Variants in IL2RB observed in about 807,000 individuals in gnomAD.
IL2RB encodes interleukin 2 receptor subunit beta.
Under a neutral mutation model 44.2 loss-of-function variants are expected in IL2RB, and 17 were observed. The observed-to-expected ratio is 0.38, with a 90% confidence interval of 0.26 to 0.58. The LOEUF (loss-of-function observed/expected upper bound fraction) is 0.58, where lower values mean the gene tolerates loss of function less well. Among genes scored for constraint, IL2RB ranks in the 20% least tolerant of loss-of-function variants. IL2RB has a pLI of 0.63. For synonymous variants in IL2RB, 286 were observed against 297.9 expected (o/e 0.96, Z 0.41); for missense variants, 624 against 685.5 (o/e 0.91, Z 1.00).
intron 1 of IL2RB, among the ~76,000 whole-genome samples, chr22:37,158,682 G>A (rs1170773213): frequency 6.6e-6 from 1 of 152,236 alleles, no homozygotes; most frequent in Non-Finnish European, 1.5e-5. Context: ...TAAACATAAA[G>A]GCGGTAAGCC....
At chr22:37,135,066 G>A (rs370604504) in intron 8 of IL2RB, among the ~76,000 whole-genome samples, 1 of 152,176 alleles carries the variant, frequency 6.6e-6, no homozygotes, top group East Asian at 1.9e-4. Context: ...CCTCGGGTTG[G>A]TTCCACAGGG....
upstream of IL2RB, among the ~76,000 whole-genome samples, chr22:37,152,345 A>G (rs190819759): frequency 6.6e-6 from 1 of 152,062 alleles, no homozygotes; most frequent in East Asian, 1.9e-4. Flanking sequence ...AAATGGAGTT[A>G]TTTTCTTGAT....
chr22:37,163,108 G>A (rs985785393), intron 1 of IL2RB, among the ~76,000 whole-genome samples: 5 of 152,140 alleles, frequency 3.3e-5, no homozygotes, highest in Non-Finnish European at 5.9e-5. Flanking sequence ...GCTACAGACC[G>A]CAGGAACAGG....
chr22:37,128,278 C>G lies in IL2RB; in HGVS notation c.1474G>C (p.Val492Leu). ...ACCTCCTCCCCAGCCTCTCGCAGCA[C>G]CAGCTCAGGGGGTGGCTGAAAATCC... ...LVDFQPPPEL[V>L]LREAGEEVPD... Residue 492 changes from valine (V) to leucine (L), a missense_variant, in exon 10 of 10, where the codon GTG (valine) becomes CTG (leucine). Coordinates refer to ENST00000216223, the MANE Select transcript of IL2RB (RefSeq NM_000878.5). This position sits in a 1 kb window ranked among gnomAD's most constrained non-coding sequence, Gnocchi z 4.5. The G allele has an allele frequency of 6.7e-7, 1 of 1,499,472 alleles. No individual in the cohort carries two copies. 92.9% of individuals were successfully genotyped at this position (1,499,472 alleles called of 1,614,324 possible).
intron 4 of IL2RB, among the ~76,000 whole-genome samples, chr22:37,140,922 T>TA (rs1921936149): frequency 6.6e-6 from 1 of 152,118 alleles, no homozygotes; most frequent in South Asian, 2.1e-4. Flanking sequence ...TCTTCATTGG[T>TA]AAGAAGGGGA....
At chr22:37,136,995 C>T (rs574165314) in intron 6 of IL2RB, among the ~76,000 whole-genome samples, 2 of 152,268 alleles carry the variant, frequency 1.3e-5, no homozygotes, top group East Asian at 1.9e-4. Flanking sequence ...TTCCTTGCCC[C>T]GTTGGGTTTT....
In IL2RB at chr22:37,138,780, G is replaced by C. The variant is rs1230833530; in HGVS notation, c.388+337C>G. ...CGAAACGTGAGTGGGAATTTTCCAG[G>C]TGTAAAGGGCCTTCCAGGCAGTGGG... On this transcript the variant is annotated intron_variant, in intron 5 of 9. Coordinates refer to ENST00000216223, the MANE Select transcript of IL2RB (RefSeq NM_000878.5). Among the ~76,000 whole-genome samples, 4 of 152,206 alleles carry C rather than the reference G, an allele frequency of 2.6e-5. No homozygotes were observed. The East Asian group carries it at 7.7e-4, about 29-fold the overall frequency.
At chr22:37,169,314 A>AGATGGATT in intron 1 of IL2RB, among the ~76,000 whole-genome samples, 6 of 141,450 alleles carry the variant, frequency 4.2e-5, no homozygotes, top group African/African-American at 1.4e-4. Context: ...TCTTGTTTAC[A>AGATGGATT]CGTTTACAGA....
At chr22:37,132,547 G>A (rs923985207) in intron 8 of IL2RB, 79 bp from the exon 9 acceptor site, 22 of 1,007,490 alleles carry the variant, frequency 2.2e-5, no homozygotes, top group Non-Finnish European at 3.2e-5. Context: ...CCACAGCTCT[G>A]GATGCCAGGC....
At chr22:37,150,970 A>G (rs1922466313), upstream of IL2RB, among the ~76,000 whole-genome samples, 1 of 152,172 alleles carries the variant, frequency 6.6e-6, no homozygotes, top group African/African-American at 2.4e-5. Context: ...TTATTCATTC[A>G]TCTGTTGATG....
chr22:37,162,570 G>A (rs1337606593), intron 1 of IL2RB, among the ~76,000 whole-genome samples: 1 of 152,178 alleles, frequency 6.6e-6, no homozygotes, highest in African/African-American at 2.4e-5. Context: ...ACCAGCAGGG[G>A]CCCCCATGTT....
rs777560629 is a variant in IL2RB at position 37,128,122 on chromosome 22, C to T, written c.1630G>A (p.Gly544Ser). The T allele has an allele frequency of 5.7e-6, 9 of 1,576,366 alleles. No homozygotes were observed. The highest frequency in any genetic ancestry group is 7.7e-6 in the Non-Finnish European group (9 of 1,165,498). ...TACACCAAGTGAGTTGGGTCCTGAC[C>T]CTGGAGTTCTTGGAGGGACAAGTAG... ...DAYLSLQELQ[G>S]QDPTHLV is the part of the protein sequence containing the mutation. Residue 544 changes from glycine (G) to serine (S), a missense_variant, in exon 10 of 10, where the codon GGT becomes AGT. Physicochemically the swap from Gly to Ser is moderately conservative, Grantham distance 56. Coordinates refer to ENST00000216223, the MANE Select transcript of IL2RB (RefSeq NM_000878.5). This position sits in a 1 kb window ranked among gnomAD's most constrained non-coding sequence, Gnocchi z 4.5.
intron 9 of IL2RB, among the ~76,000 whole-genome samples, chr22:37,131,002 A>G (rs1402313692): frequency 1.3e-5 from 2 of 152,190 alleles, no homozygotes; most frequent in African/African-American, 2.4e-5. Context: ...CCCCGTCTCT[A>G]TTAAAAGTAC....
Position 37,141,070 on chromosome 22 carries a change from C to A in IL2RB, c.282+1364G>T, listed in dbSNP as rs1005018124. Among the ~76,000 whole-genome samples the A allele has an allele frequency of 6.6e-6, 1 of 152,188 alleles. No homozygotes were observed. Among genetic ancestry groups the A allele is most frequent in the East Asian group, 1.9e-4 (1 of 5,196 alleles). On this transcript the variant is annotated intron_variant, in intron 4 of 9. Transcript: ENST00000216223. This position sits in a 1 kb window ranked among gnomAD's most constrained non-coding sequence, Gnocchi z 4.4. ...CCACGGAGCAGGTAGGAGCCCTGCC[C>A]TCCCAGGCAGGGCTGCAGCTGCCTA...
chr22:37,140,286 CATT>C (rs58127106), intron 4 of IL2RB, among the ~76,000 whole-genome samples: 42,626 of 145,128 alleles, frequency 0.29, 6,724 homozygotes, highest in Admixed American at 0.37. Context: ...ATAGTAGTCT[CATT>C]ATTATTATTA....
intron 1 of IL2RB, among the ~76,000 whole-genome samples, chr22:37,155,198 T>C (rs898482959): frequency 2.6e-5 from 4 of 152,030 alleles, no homozygotes; most frequent in Non-Finnish European, 5.9e-5. Flanking sequence ...TGCACCTGCT[T>C]TCTTCAGCCC....
At chr22:37,146,377 C>T (rs1922224170) in intron 1 of IL2RB, among the ~76,000 whole-genome samples, 1 of 152,168 alleles carries the variant, frequency 6.6e-6, no homozygotes, top group Non-Finnish European at 1.5e-5. Flanking sequence ...TGAGGTCAGC[C>T]CACCCTTCCA....
intron 1 of IL2RB, among the ~76,000 whole-genome samples, chr22:37,160,181 C>T (rs957206498): frequency 6.6e-6 from 1 of 152,266 alleles, no homozygotes; most frequent in African/African-American, 2.4e-5. Flanking sequence ...AACCCAGTGT[C>T]TGACTGGCCA....
Position 37,127,605 on chromosome 22 carries a change from C to G in IL2RB, c.*491G>C, listed in dbSNP as rs1369848266. 1 of 152,392 alleles carries G rather than the reference C, an allele frequency of 6.6e-6. No homozygotes were observed. Among genetic ancestry groups the G allele is most frequent in the African/African-American group, 2.4e-5 (1 of 41,294 alleles). The allele number at this position is 152,392 out of a possible 1,614,324, so 9.4% of individuals were successfully genotyped here. ...GAAGTGGGGCTGAGGGCAGTGGGAC[C>G]TGTGCAAGGTTTTGAACCGAGGGGG... On this transcript the variant is annotated 3_prime_UTR_variant, in exon 10 of 10. Transcript: ENST00000216223.
Sources: allele counts gnomAD v4.1 joint callset (sites outside exome capture counted in the v4.1 genomes callset), GRCh38; gene constraint gnomAD v4.1.1; non-coding constraint Gnocchi (gnomAD v3.1); transcripts MANE v1.5; gene names NCBI Gene and HGNC (gene_info 2026-07-23, HGNC 2026-07-21).